Variants in VPS54 observed in about 807,000 individuals in gnomAD.
VPS54 encodes VPS54 subunit of GARP complex, also known as vacuolar protein sorting-associated protein 54.
VPS54 carries 45 observed loss-of-function variants against 121.5 expected under a neutral mutation model. That is an observed-to-expected ratio of 0.37 (90% confidence interval 0.29 to 0.47). The LOEUF is 0.47. Among genes scored for constraint, VPS54 ranks in the 20% least tolerant of loss-of-function variants. VPS54 has a pLI of 0.99. For missense variants in VPS54, 1,090 were observed against 1,131.4 expected (o/e 0.96, Z 0.52); for synonymous variants, 371 against 385.8 (o/e 0.96, Z 0.45).
chr2:63,930,063 C>G (rs1289186759), intron 12 of VPS54, among the ~76,000 whole-genome samples: 2 of 152,066 alleles, frequency 1.3e-5, no homozygotes, highest in African/African-American at 2.4e-5. Flanking sequence ...GACAGATTCA[C>G]AGCTGAATTC....
rs548384587 is a variant in VPS54 at position 63,954,853 on chromosome 2, A to G, written c.1011-5690T>C. 2.0e-5 allele frequency among the ~76,000 whole-genome samples: 3 copies of G among 152,170 alleles called. No individual in the cohort carries two copies. In the East Asian group the frequency reaches 5.8e-4, roughly 29 times the overall value. ...TATGGGAAGCACTATAAGACAACCC[A>G]GTTTCTTCGATTAGTATTTTGAAAG... On this transcript the variant is annotated intron_variant, in intron 7 of 22. Transcript: ENST00000272322.
intron 7 of VPS54, among the ~76,000 whole-genome samples, chr2:63,952,144 G>A (rs973450503): frequency 6.6e-6 from 1 of 152,114 alleles, no homozygotes; most frequent in East Asian, 1.9e-4. Context: ...GAGTTACTGT[G>A]CAACATCGCT....
chr2:63,921,759 A>C (rs1673657960), intron 12 of VPS54, among the ~76,000 whole-genome samples: 1 of 152,154 alleles, frequency 6.6e-6, no homozygotes, highest in Admixed American at 6.5e-5. Flanking sequence ...TAGGATTTAC[A>C]AGTGTGAGCC....
At position 63,961,955 on chromosome 2, in the gene VPS54, T is replaced by A. The variant is rs1675789886; in HGVS notation, c.1010+103A>T. On this transcript the variant is annotated intron_variant, in intron 7 of 22. Coordinates refer to ENST00000272322, the MANE Select transcript of VPS54 (RefSeq NM_016516.3). ...AATGATCAATCTGGAAGAAAAAATA[T>A]CCATTTAACTTTGAATATATTCACA... is the stretch of plus-strand genomic sequence containing the variant. 9 of 1,205,316 alleles carry A rather than the reference T, an allele frequency of 7.5e-6. No homozygotes were observed. The South Asian group carries it at 2.0e-4, about 27-fold the overall frequency. The allele number at this position is 1,205,316 out of a possible 1,614,324, so 74.7% of individuals were successfully genotyped here. A position where few individuals can be genotyped will look rare whatever the true frequency, so the allele number is the denominator to read the frequency against.
chr2:63,969,082 G>A, intron 4 of VPS54, 91 bp from the exon 5 acceptor site: 1 of 1,040,156 alleles, frequency 9.6e-7, no homozygotes, highest in Non-Finnish European at 1.4e-6. Flanking sequence ...TATTGTACTG[G>A]GTCACATCCA....
chr2:63,935,059 C>T (rs1260810036), intron 11 of VPS54, among the ~76,000 whole-genome samples: 1 of 152,120 alleles, frequency 6.6e-6, no homozygotes, highest in African/African-American at 2.4e-5. Flanking sequence ...CCAATTAGTA[C>T]ATGGAACCAC....
At chr2:63,952,071 A>G (rs115529159) in intron 7 of VPS54, among the ~76,000 whole-genome samples, 2,044 of 152,294 alleles carry the variant, frequency 0.013, 60 homozygotes, top group African/African-American at 0.047. Context: ...TCTGGGTGCA[A>G]ATAAATATCT....
chr2:63,944,039 G>A (rs1245117327), intron 10 of VPS54, among the ~76,000 whole-genome samples: 1 of 151,240 alleles, frequency 6.6e-6, no homozygotes, highest in East Asian at 1.9e-4. Context: ...GCCAAGAATA[G>A]GAATTTCTAG....
chr2:63,916,296 A>G (rs1296204966), intron 16 of VPS54, among the ~76,000 whole-genome samples: 1 of 152,180 alleles, frequency 6.6e-6, no homozygotes. Context: ...TAAAAGACAT[A>G]GTACTAGACA....
At chr2:63,970,367 A>C (rs950998122) in intron 4 of VPS54, among the ~76,000 whole-genome samples, 8 of 146,140 alleles carry the variant, frequency 5.5e-5, no homozygotes, top group Non-Finnish European at 1.1e-4. Flanking sequence ...ATGCAAAAGC[A>C]CTCACTCTCA....
intron 10 of VPS54, among the ~76,000 whole-genome samples, chr2:63,942,762 A>G (rs143377175): frequency 1.3e-5 from 2 of 152,332 alleles, no homozygotes; most frequent in East Asian, 1.9e-4. Flanking sequence ...TAAGTTAACT[A>G]TATCATATAT....
chr2:63,936,288 T>A (rs1200417580), intron 11 of VPS54, among the ~76,000 whole-genome samples: 2 of 152,184 alleles, frequency 1.3e-5, no homozygotes, highest in Non-Finnish European at 2.9e-5. Flanking sequence ...GATTATTTTT[T>A]CCAAATCCAA....
chr2:63,971,789 T>C (rs1314358178), intron 4 of VPS54, among the ~76,000 whole-genome samples: 6 of 152,192 alleles, frequency 3.9e-5, no homozygotes, highest in Non-Finnish European at 4.4e-5. Flanking sequence ...TACTTATCTA[T>C]AGATTTACTT....
chr2:63,997,500 G>A (rs1576006845), intron 1 of VPS54, among the ~76,000 whole-genome samples: 1 of 152,158 alleles, frequency 6.6e-6, no homozygotes. Flanking sequence ...GTTGCTCACA[G>A]TAGCCGCTAA....
chr2:63,992,667 G>C (rs1677384588), intron 1 of VPS54, among the ~76,000 whole-genome samples: 1 of 151,922 alleles, frequency 6.6e-6, no homozygotes, highest in South Asian at 2.1e-4. Context: ...GAATTCTCCT[G>C]TGTTTCTAGT....
chr2:64,007,709 T>G (rs1413225284), intron 1 of VPS54, among the ~76,000 whole-genome samples: 3 of 152,162 alleles, frequency 2.0e-5, no homozygotes, highest in Non-Finnish European at 4.4e-5. Flanking sequence ...ATGGAGAAAG[T>G]GCCGAAGAAG....
At chr2:64,013,753 A>G (rs1469278920) in intron 1 of VPS54, among the ~76,000 whole-genome samples, 1 of 149,596 alleles carries the variant, frequency 6.7e-6, no homozygotes, top group African/African-American at 2.4e-5. Flanking sequence ...AATACCAATC[A>G]ATACCACATT....
intron 1 of VPS54, among the ~76,000 whole-genome samples, chr2:63,995,794 A>G (rs1054837490): frequency 1.3e-5 from 2 of 152,338 alleles, no homozygotes; most frequent in South Asian, 2.1e-4. Context: ...CTGATCATTC[A>G]TGGGAAATGG....
At chr2:64,005,199 G>A (rs373745700) in intron 1 of VPS54, among the ~76,000 whole-genome samples, 1 of 134,780 alleles carries the variant, frequency 7.4e-6, no homozygotes, top group African/African-American at 2.8e-5. Flanking sequence ...CGCCTCCCAG[G>A]TTCACGCCAT....
Sources: allele counts gnomAD v4.1 joint callset (sites outside exome capture counted in the v4.1 genomes callset), GRCh38; gene constraint gnomAD v4.1.1; transcripts MANE v1.5; gene names NCBI Gene and HGNC (gene_info 2026-07-23, HGNC 2026-07-21).